The following HERC4 variants were observed in gnomAD, a reference collection of about 807,000 sequenced individuals.
The protein encoded by HERC4 is probable E3 ubiquitin-protein ligase HERC4.
In HERC4, 28 loss-of-function variants were observed where a neutral mutation model predicts 124.3. That is an observed-to-expected ratio of 0.23 (90% CI 0.17 to 0.31). The LOEUF (loss-of-function observed/expected upper bound fraction) is 0.31. Among genes scored for constraint, HERC4 ranks in the 10% least tolerant of loss-of-function variants. The pLI is 1.00. For synonymous variants in HERC4, 407 were observed against 421.5 expected (o/e 0.97, Z 0.42); for missense variants, 713 against 1,229.3 (o/e 0.58, Z 6.28).
chr10:67,986,801 TTAGAAATATGATCTTTTTGATTCC>T (rs1256878144), intron 15 of HERC4, among the ~76,000 whole-genome samples: 2 of 151,968 alleles, frequency 1.3e-5, no homozygotes, highest in Non-Finnish European at 2.9e-5. Flanking sequence ...CACAGAGGGG[TTAGAAATATGATCTTTTTGATTCC>T]TAGTCCAGCG....
At chr10:67,967,379 T>C (rs1417456465) in intron 15 of HERC4, among the ~76,000 whole-genome samples, 2 of 152,150 alleles carry the variant, frequency 1.3e-5, no homozygotes, top group Non-Finnish European at 2.9e-5. Context: ...AGATATGTAA[T>C]GATTAAACTG....
intron 15 of HERC4, among the ~76,000 whole-genome samples, chr10:67,970,760 T>C (rs946554303): frequency 1.3e-5 from 2 of 151,980 alleles, no homozygotes. Context: ...TGTGGGATGC[T>C]AATAAATCCA....
chr10:68,041,250 A>G (rs538510133), intron 4 of HERC4, among the ~76,000 whole-genome samples: 1 of 152,304 alleles, frequency 6.6e-6, no homozygotes. Context: ...TTTCCAGTTA[A>G]GCCACAACTT....
chr10:68,006,669 C>T (rs1003019164), intron 9 of HERC4, among the ~76,000 whole-genome samples: 34 of 152,242 alleles, frequency 2.2e-4, no homozygotes, highest in African/African-American at 7.5e-4. Flanking sequence ...TGAGCCACCA[C>T]GCCCGGCCAC....
intron 9 of HERC4, among the ~76,000 whole-genome samples, chr10:68,012,729 T>A (rs1028742010): frequency 1.1e-4 from 17 of 152,308 alleles, no homozygotes; most frequent in African/African-American, 4.1e-4. Flanking sequence ...AAAGTGAGCA[T>A]ATATGCTGTT....
chr10:68,049,357 A>G (rs140813025), intron 3 of HERC4, among the ~76,000 whole-genome samples: 5 of 152,222 alleles, frequency 3.3e-5, no homozygotes, highest in Non-Finnish European at 7.4e-5. Flanking sequence ...TATTTTATCT[A>G]CATTTTTAAA....
chr10:67,987,485 C>T (rs902099339), intron 15 of HERC4, among the ~76,000 whole-genome samples: 2 of 152,092 alleles, frequency 1.3e-5, no homozygotes, highest in African/African-American at 2.4e-5. Flanking sequence ...CTTGAATCCT[C>T]GGCAAACAGT....
At chr10:67,991,067 C>T in intron 12 of HERC4, 52 bp from the exon 13 acceptor site, 1 of 1,356,404 alleles carries the variant, frequency 7.4e-7, no homozygotes, top group East Asian at 2.6e-5. Flanking sequence ...AAAATTATTT[C>T]ATTTTTTAAT....
At chr10:68,062,679 G>T (rs1469101423) in intron 3 of HERC4, among the ~76,000 whole-genome samples, 1 of 152,042 alleles carries the variant, frequency 6.6e-6, no homozygotes, top group Non-Finnish European at 1.5e-5. Flanking sequence ...AGAATCACAT[G>T]AACCCGGGAG....
intron 15 of HERC4, among the ~76,000 whole-genome samples, chr10:67,984,506 G>A (rs150590528): frequency 6.3e-4 from 96 of 152,164 alleles, no homozygotes; most frequent in African/African-American, 2.3e-3. Flanking sequence ...GAAGGGTAGT[G>A]GGGAGGCAGG....
At chr10:68,072,785 A>G in intron 3 of HERC4, 98 bp downstream of exon 3, 1 of 810,098 alleles carries the variant, frequency 1.2e-6, no homozygotes, top group Non-Finnish European at 1.9e-6. Context: ...TTAAAGCTTG[A>G]TAAACATATA....
intron 15 of HERC4, among the ~76,000 whole-genome samples, chr10:67,981,633 T>C (rs776992115): frequency 1.3e-5 from 2 of 152,256 alleles, no homozygotes; most frequent in Non-Finnish European, 2.9e-5. Context: ...CCATATGTTA[T>C]GTCATAAAAC....
intron 7 of HERC4, among the ~76,000 whole-genome samples, chr10:68,026,355 C>T (rs575869347): frequency 2.0e-5 from 3 of 151,914 alleles, no homozygotes; most frequent in Non-Finnish European, 4.4e-5. Context: ...CTTGGCTTCC[C>T]GAAGTGCTGG....
intron 3 of HERC4, among the ~76,000 whole-genome samples, chr10:68,071,812 C>A (rs962561150): frequency 3.3e-5 from 5 of 151,988 alleles, no homozygotes; most frequent in African/African-American, 1.2e-4. Context: ...AAATAAATTA[C>A]AAATTAAGGC....
chr10:67,982,020 T>C (rs1336551823), intron 15 of HERC4, among the ~76,000 whole-genome samples: 2 of 152,158 alleles, frequency 1.3e-5, no homozygotes, highest in Non-Finnish European at 2.9e-5. Flanking sequence ...TTCAATATTG[T>C]TAAAATGTCC....
chr10:68,039,919 C>T (rs997334654), intron 4 of HERC4: 159 of 971,228 alleles, frequency 1.6e-4, no homozygotes, highest in Non-Finnish European at 1.9e-4. Context: ...ACTACATTCT[C>T]ACAGTACTGT....
At chr10:68,018,759 T>C (rs1029327132) in intron 8 of HERC4, among the ~76,000 whole-genome samples, 1 of 152,116 alleles carries the variant, frequency 6.6e-6, no homozygotes, top group African/African-American at 2.4e-5. Flanking sequence ...ACCTCTATGA[T>C]GAAAATTTTA....
In HERC4 at chr10:67,934,918, T is replaced by A. The variant is rs568264595; in HGVS notation, c.2654+1235A>T. Among the ~76,000 whole-genome samples the A allele has an allele frequency of 7.2e-4, 109 of 151,712 alleles. No individual in the cohort carries two copies. The East Asian group carries it at 0.02, about 27-fold the overall frequency. ...CGTTTCTGGGAAGTTTTTTTTTTTT[T>A]AATATTTTCTTTGACAGATTTCATT... On this transcript the variant is annotated intron_variant, in intron 22 of 24. Transcript: ENST00000373700.
At chr10:67,943,083 A>T (rs2033050240) in intron 19 of HERC4, among the ~76,000 whole-genome samples, 1 of 152,148 alleles carries the variant, frequency 6.6e-6, no homozygotes, top group South Asian at 2.1e-4. Flanking sequence ...ATATATTAGG[A>T]GTATTACTCT....
Sources: gnomAD v4.1 joint callset for allele counts (sites outside exome capture counted in the v4.1 genomes callset) on GRCh38, gnomAD v4.1.1 for gene constraint, MANE v1.5 for transcripts, NCBI Gene and HGNC (gene_info 2026-07-23, HGNC 2026-07-21) for gene names.